DPP10: variants seen among roughly 807,000 people sequenced by gnomAD.
The protein encoded by DPP10 is inactive dipeptidyl peptidase 10.
Under a neutral mutation model 120.9 loss-of-function variants are expected in DPP10, and 33 were observed. That is an observed-to-expected ratio of 0.27 (90% CI 0.21 to 0.37). The LOEUF (loss-of-function observed/expected upper bound fraction) is 0.37, where lower values mean the gene tolerates loss of function less well. DPP10 is among the 10% of genes least tolerant of loss of function. DPP10 has a pLI of 1.00. For synonymous variants in DPP10, 337 were observed against 326.1 expected, an observed-to-expected ratio of 1.03 and a Z score of -0.36; for missense variants, 816 against 942.8, an observed-to-expected ratio of 0.87 and a Z score of 1.76.
At chr2:115,700,108 T>G (rs546414094) in intron 7 of DPP10, among the ~76,000 whole-genome samples, 3 of 152,244 alleles carry the variant, frequency 2.0e-5, no homozygotes, top group African/African-American at 7.2e-5. Flanking sequence ...TACCACACAC[T>G]TTTAAACAAA....
At chr2:115,685,005 A>G (rs766762748) in intron 5 of DPP10, among the ~76,000 whole-genome samples, 1 of 151,960 alleles carries the variant, frequency 6.6e-6, no homozygotes, top group Non-Finnish European at 1.5e-5. Context: ...GTGTGCAGAA[A>G]GATTAAATCG....
At chr2:115,408,054 T>C (rs918893207) in intron 3 of DPP10, among the ~76,000 whole-genome samples, 1 of 151,890 alleles carries the variant, frequency 6.6e-6, no homozygotes, top group African/African-American at 2.4e-5. Context: ...CATTCCTCTT[T>C]CTTTCCCCCA....
intron 1 of DPP10, among the ~76,000 whole-genome samples, chr2:115,249,074 A>C (rs2058649796): frequency 6.6e-6 from 1 of 152,156 alleles, no homozygotes; most frequent in Non-Finnish European, 1.5e-5. Flanking sequence ...CTGAAGATTA[A>C]AAATACCAAG....
intron 1 of DPP10, among the ~76,000 whole-genome samples, chr2:115,087,657 G>A (rs918173631): frequency 4.8e-5 from 7 of 147,162 alleles, no homozygotes; most frequent in Non-Finnish European, 1.0e-4. Flanking sequence ...GGGTTCAAGC[G>A]ATTCTCCTGC....
chr2:114,602,637 A>G (rs551658742), intron 1 of DPP10, among the ~76,000 whole-genome samples: 3 of 152,144 alleles, frequency 2.0e-5, no homozygotes, highest in Non-Finnish European at 4.4e-5. Context: ...TACTCAGGAT[A>G]TGCTTTGAAC....
At chr2:114,953,346 A>G (rs1333264971) in intron 1 of DPP10, among the ~76,000 whole-genome samples, 5 of 152,266 alleles carry the variant, frequency 3.3e-5, no homozygotes, top group African/African-American at 1.2e-4. Context: ...TTAAATGGGA[A>G]CAACTTCAAA....
In DPP10 at chr2:115,529,128, C is replaced by A. The variant is rs551341572; in HGVS notation, c.441+3156C>A. Among the ~76,000 whole-genome samples, 214 of 151,688 alleles carry A rather than the reference C, an allele frequency of 1.4e-3. 2 individuals carry two copies. Among genetic ancestry groups the A allele is most frequent in the African/African-American group, 4.6e-3 (191 of 41,394 alleles). The stretch of plus-strand genomic sequence containing the variant: ...AATAAAAGATTTTAACTTGAAAAAG[C>A]TGTAATTTTTTAAAAAGTCCTAAAA... On this transcript the variant is annotated intron_variant, in intron 5 of 25. Coordinates refer to ENST00000410059, the MANE Select transcript of DPP10 (RefSeq NM_020868.6).
chr2:115,430,548 G>A (rs1037823096), intron 3 of DPP10, among the ~76,000 whole-genome samples: 4 of 152,052 alleles, frequency 2.6e-5, no homozygotes, highest in Admixed American at 1.3e-4. Context: ...GTGGAATTCA[G>A]CTATGTACCA....
intron 2 of DPP10, among the ~76,000 whole-genome samples, chr2:115,333,202 T>G (rs948971192): frequency 2.6e-5 from 4 of 152,150 alleles, no homozygotes; most frequent in African/African-American, 9.7e-5. Context: ...TCTTTTGATC[T>G]TTGTTGGTTT....
intron 5 of DPP10, among the ~76,000 whole-genome samples, chr2:115,630,703 C>G (rs1428838966): frequency 3.9e-5 from 6 of 152,118 alleles, no homozygotes; most frequent in Admixed American, 3.9e-4. Context: ...TGATGAATTA[C>G]ATTTATTGAT....
chr2:114,825,111 G>A (rs916565765), intron 1 of DPP10, among the ~76,000 whole-genome samples: 2 of 152,204 alleles, frequency 1.3e-5, no homozygotes, highest in African/African-American at 4.8e-5. Flanking sequence ...CTTCAGAGAA[G>A]TGCACTTTTT....
chr2:115,683,079 T>A (rs2090763568), intron 5 of DPP10, among the ~76,000 whole-genome samples: 1 of 151,950 alleles, frequency 6.6e-6, no homozygotes, highest in South Asian at 2.1e-4. Context: ...TTTATTTTTA[T>A]GTTTTATAGA....
chr2:115,620,570 G>A (rs535687339), intron 5 of DPP10, among the ~76,000 whole-genome samples: 106 of 152,284 alleles, frequency 7.0e-4, no homozygotes, highest in Non-Finnish European at 1.3e-3. Flanking sequence ...TCTACTAACA[G>A]TTCTGGTTGT....
At chr2:114,721,998 C>T (rs1701730463) in intron 1 of DPP10, among the ~76,000 whole-genome samples, 1 of 152,092 alleles carries the variant, frequency 6.6e-6, no homozygotes, top group African/African-American at 2.4e-5. Context: ...AATAAGACAG[C>T]TTATGTAAAG....
chr2:114,459,183 G>A (rs553885677), intron 1 of DPP10, among the ~76,000 whole-genome samples: 46 of 152,300 alleles, frequency 3.0e-4, no homozygotes, highest in Non-Finnish European at 6.2e-4. Flanking sequence ...CATGGTTGCC[G>A]TTCCCTATAT....
chr2:114,961,457 G>A (rs1698626197), intron 1 of DPP10, among the ~76,000 whole-genome samples: 2 of 151,672 alleles, frequency 1.3e-5, no homozygotes. Flanking sequence ...GCGTGTGTGT[G>A]TGTGTGTGTG....
intron 3 of DPP10, among the ~76,000 whole-genome samples, chr2:115,496,075 A>G (rs2076381159): frequency 6.6e-6 from 1 of 152,156 alleles, no homozygotes; most frequent in African/African-American, 2.4e-5. Flanking sequence ...TCTGGTAGAT[A>G]ACTGTTAATC....
intron 5 of DPP10, among the ~76,000 whole-genome samples, chr2:115,532,848 A>G (rs1412578376): frequency 6.6e-6 from 1 of 151,970 alleles, no homozygotes; most frequent in Non-Finnish European, 1.5e-5. Flanking sequence ...TGAGTCATGT[A>G]TATAAATAGT....
chr2:115,789,394 A>C (rs1336541554), intron 17 of DPP10, among the ~76,000 whole-genome samples: 1 of 152,218 alleles, frequency 6.6e-6, no homozygotes, highest in Non-Finnish European at 1.5e-5. Context: ...GTTTTTAAAA[A>C]CTTGAAAATT....
Sources: allele counts gnomAD v4.1 joint callset (sites outside exome capture counted in the v4.1 genomes callset), GRCh38; gene constraint gnomAD v4.1.1; transcripts MANE v1.5; gene names NCBI Gene and HGNC (gene_info 2026-07-23, HGNC 2026-07-21).